CCDC88C: variants seen among roughly 807,000 people sequenced by gnomAD.
CCDC88C encodes the protein coiled-coil and HOOK domain protein 88C, also known as protein Daple.
Under a neutral mutation model 198.8 loss-of-function variants are expected in CCDC88C, and 131 were observed. That is an observed-to-expected ratio of 0.66 (90% CI 0.57 to 0.76). CCDC88C has a LOEUF of 0.76. Ranked by LOEUF, CCDC88C falls within the 30% of genes least tolerant of loss-of-function variation. CCDC88C has a pLI of 0.00. For missense variants in CCDC88C, 2,553 were observed against 2,631.6 expected, an observed-to-expected ratio of 0.97 and a Z score of 0.65; for synonymous variants, 1,166 against 1,114.7, an observed-to-expected ratio of 1.05 and a Z score of -0.92.
chr14:91,386,289 C>CAAAAAAAAAAAAAAAA (rs1239070390), intron 3 of CCDC88C, among the ~76,000 whole-genome samples: 1 of 106,870 alleles, frequency 9.4e-6, no homozygotes. Flanking sequence ...ACTAAAAATA[C>CAAAAAAAAAAAAAAAA]AAAAAAAAAA....
intron 3 of CCDC88C, 76 bp from the exon 4 acceptor site, chr14:91,359,787 T>C (rs1292018028): frequency 7.5e-7 from 1 of 1,339,114 alleles, no homozygotes; most frequent in Non-Finnish European, 1.1e-6. Flanking sequence ...AAATTACAAG[T>C]AATGAAGCCC....
intron 3 of CCDC88C, among the ~76,000 whole-genome samples, chr14:91,385,916 A>G (rs948715677): frequency 6.6e-6 from 1 of 152,214 alleles, no homozygotes; most frequent in Non-Finnish European, 1.5e-5. Flanking sequence ...ATGCATTTCT[A>G]TATCAGAGGC....
chr14:91,273,999 GGT>G lies in CCDC88C; in HGVS notation c.5059-348_5059-347del, dbSNP rs1205299454. ...TATAGCCGACTGCTTCGGTCTGTCT[GGT>G]TTCCACCAAGCACAGCAGGAACTAG... On this transcript the variant is annotated intron_variant, in intron 29 of 29. Coordinates refer to ENST00000389857, the MANE Select transcript of CCDC88C (RefSeq NM_001080414.4). This position sits in a 1 kb window ranked among gnomAD's most constrained non-coding sequence, Gnocchi z 5.6. 6.6e-6 allele frequency among the ~76,000 whole-genome samples: 1 copy of G among 152,154 alleles called. No individual in the cohort carries two copies. The highest frequency in any genetic ancestry group is 2.4e-5 in the African/African-American group (1 of 41,424).
At chr14:91,285,376 G>A (rs772612472) in intron 25 of CCDC88C, 3 of 452,268 alleles carry the variant, frequency 6.6e-6, no homozygotes, top group South Asian at 3.1e-5. Context: ...CGGGAGGGGG[G>A]CACGGCCACT....
At chr14:91,330,514 C>T (rs747084918) in intron 10 of CCDC88C, among the ~76,000 whole-genome samples, 13 of 152,138 alleles carry the variant, frequency 8.5e-5, no homozygotes, top group East Asian at 1.9e-4. Context: ...GTAACATGAG[C>T]GAGGATGCCA....
intron 3 of CCDC88C, among the ~76,000 whole-genome samples, chr14:91,399,167 T>C (rs931064373): frequency 6.6e-5 from 10 of 152,188 alleles, no homozygotes; most frequent in African/African-American, 2.4e-4. Context: ...CCATGCCTGC[T>C]TGTGACTCTT....
At chr14:91,318,967 T>C (rs572217751) in intron 13 of CCDC88C, among the ~76,000 whole-genome samples, 1 of 148,042 alleles carries the variant, frequency 6.8e-6, no homozygotes, top group Non-Finnish European at 1.5e-5. Context: ...GACCCAGGTG[T>C]CCTGCCACAG....
chr14:91,386,208 C>T lies in CCDC88C; in HGVS notation c.270+22451G>A, dbSNP rs192546180. Among the ~76,000 whole-genome samples the T allele has an allele frequency of 6.6e-3, 1,004 of 151,508 alleles. 1 individual carries two copies. Among genetic ancestry groups the T allele is most frequent in the Non-Finnish European group, 0.011 (715 of 67,928 alleles). ...CTTGTAATCCCAGCACTTTGGGAGG[C>T]CGAGGTGGGTGGATCACTTGAGGAC... On this transcript the variant is annotated intron_variant, in intron 3 of 29. Coordinates refer to ENST00000389857, the MANE Select transcript of CCDC88C (RefSeq NM_001080414.4).
In CCDC88C at chr14:91,313,635, C is replaced by T. The variant is rs201609345; in HGVS notation, c.2181G>A (p.Glu727=). Residue 727 remains glutamate, a synonymous_variant, in exon 15 of 30, where the codon GAG becomes GAA. Transcript: ENST00000389857. The surrounding 1 kb of genome is among the most constrained non-coding windows in gnomAD (Gnocchi z 5.2). ...RFTSTKLAQM[E]RENQQLEREK... is the part of the protein sequence containing the mutation. ...CACGCTCCAGCTGCTGGTTCTCCCT[C>T]TCCATCTGTGCCAGCTTGGTGCTGG... The T allele has an allele frequency of 2.4e-4, 388 of 1,612,668 alleles. No homozygotes were observed. Among genetic ancestry groups the T allele is most frequent in the Non-Finnish European group, 3.0e-4 (358 of 1,179,904 alleles).
intron 3 of CCDC88C, among the ~76,000 whole-genome samples, chr14:91,385,800 TA>T (rs35840990): frequency 0.013 from 1,950 of 147,818 alleles, 14 homozygotes; most frequent in Non-Finnish European, 0.019. Context: ...CCTGCCTCTT[TA>T]AAAAAAAAAA....
Position 91,272,787 on chromosome 14 carries a change from C to G in CCDC88C, c.5925G>C (p.Glu1975Asp). Reference sequence around the variant, plus strand: ...GACCTGGGCTCTTGGCCGGAAGCCCCTCACTGCAGCCCTGCCCCGGGACCC... The same window carrying G: ...GACCTGGGCTCTTGGCCGGAAGCCCGTCACTGCAGCCCTGCCCCGGGACCC... ...GDGVPGQGCS[E>D]GLPAKSPGRS... The change falls in exon 30 of 30, where the codon GAG becomes GAC. Residue 1975 changes from glutamate to aspartate, a missense_variant. This residue lies in a region of CCDC88C where 1,293 missense variants were observed against 1,219.6 expected (regional missense o/e 1.06). Transcript: ENST00000389857. The G allele has an allele frequency of 1.2e-6, 2 of 1,605,194 alleles. No individual in the cohort carries two copies. The highest frequency in any genetic ancestry group is 1.7e-6 in the Non-Finnish European group (2 of 1,177,024).
chr14:91,273,020 G>C lies in CCDC88C; in HGVS notation c.5692C>G (p.Pro1898Ala), dbSNP rs1253442628. Residue 1898 changes from proline (P) to alanine (A), a missense_variant, in exon 30 of 30, where the codon CCC becomes GCC. Physicochemically the swap from Pro to Ala is conservative, Grantham distance 27. This residue lies in a region of CCDC88C where 1,293 missense variants were observed against 1,219.6 expected (regional missense o/e 1.06). Coordinates refer to ENST00000389857, the MANE Select transcript of CCDC88C (RefSeq NM_001080414.4). The surrounding 1 kb of genome is among the most constrained non-coding windows in gnomAD (Gnocchi z 5.6). ...LAPPKEERLA[P>A]LHQSATAPAI... Reference sequence around the variant, plus strand: ...GGGGCTGTGGCAGACTGATGCAGGGGGGCCAGCCTCTCCTCCTTTGGGGGA... The same window carrying C: ...GGGGCTGTGGCAGACTGATGCAGGGCGGCCAGCCTCTCCTCCTTTGGGGGA... 3 of 1,554,466 alleles carry C rather than the reference G, an allele frequency of 1.9e-6. No individual in the cohort carries two copies. In the South Asian group the frequency reaches 3.5e-5, roughly 18 times the overall value.
intron 3 of CCDC88C, among the ~76,000 whole-genome samples, chr14:91,387,120 T>C (rs1045249422): frequency 6.6e-6 from 1 of 152,258 alleles, no homozygotes; most frequent in African/African-American, 2.4e-5. Context: ...TTGGCGCAAC[T>C]GTCCACATCC....
intron 4 of CCDC88C, among the ~76,000 whole-genome samples, chr14:91,354,792 C>T (rs763021911): frequency 3.9e-5 from 6 of 152,206 alleles, no homozygotes; most frequent in Non-Finnish European, 5.9e-5. Flanking sequence ...ACAAAAAACC[C>T]CAGGATTCCT....
chr14:91,359,685 C>A lies in CCDC88C; in HGVS notation c.297G>T (p.Met99Ile). 6.2e-7 allele frequency: 1 copy of A among 1,610,412 alleles called. No homozygotes were observed. Among genetic ancestry groups the A allele is most frequent in the South Asian group, 1.1e-5 (1 of 89,970 alleles). The stretch of plus-strand genomic sequence containing the variant: ...CAATCATCAAAACATTGGGCAAATT[C>A]ATTACAATCAGCTGCTGGAGAACTT... ...YQEVLQQLIV[M>I]NLPNVLMIGR... The change falls in exon 4 of 30, where the codon ATG becomes ATT. Residue 99 changes from methionine (M) to isoleucine (I), a missense_variant. Met to Ile is a conservative substitution (Grantham distance 10). Transcript: ENST00000389857.
In CCDC88C at chr14:91,339,197, G is replaced by A; in HGVS notation, c.809+81C>T. Reference sequence around the variant, plus strand: ...ACACGTCAGAGCTGTGCCATTGGCAGCACCACACATGTGAGTCGACACCAC... The same window carrying A: ...ACACGTCAGAGCTGTGCCATTGGCAACACCACACATGTGAGTCGACACCAC... On this transcript the variant is annotated intron_variant, in intron 8 of 29. Transcript: ENST00000389857. This position sits in a 1 kb window ranked among gnomAD's most constrained non-coding sequence, Gnocchi z 5.8. 6.6e-7 allele frequency: 1 copy of A among 1,511,688 alleles called. No homozygotes were observed. The highest frequency in any genetic ancestry group is 1.9e-5 in the Admixed American group (1 of 53,768). 93.6% of individuals were successfully genotyped at this position (1,511,688 alleles called of 1,614,324 possible).
At chr14:91,319,816 G>T (rs891266526) in intron 13 of CCDC88C, among the ~76,000 whole-genome samples, 11 of 151,914 alleles carry the variant, frequency 7.2e-5, no homozygotes, top group African/African-American at 2.7e-4. Context: ...ACCTGAGGTC[G>T]GGAGTTTGAG....
At chr14:91,416,339 T>C (rs910915899) in intron 2 of CCDC88C, among the ~76,000 whole-genome samples, 2 of 152,154 alleles carry the variant, frequency 1.3e-5, no homozygotes, top group African/African-American at 4.8e-5. Context: ...AACTTTACAG[T>C]AACCCTCGGA....
chr14:91,353,690 G>A (rs950706061), intron 4 of CCDC88C, among the ~76,000 whole-genome samples: 14 of 152,198 alleles, frequency 9.2e-5, no homozygotes, highest in Non-Finnish European at 1.6e-4. Flanking sequence ...CATTTTGTGC[G>A]CACAGAACCT....
Sources: allele counts gnomAD v4.1 joint callset (sites outside exome capture counted in the v4.1 genomes callset), GRCh38; gene constraint gnomAD v4.1.1; regional missense constraint gnomAD v4.1.1; non-coding constraint Gnocchi (gnomAD v3.1); transcripts MANE v1.5; gene names NCBI Gene and HGNC (gene_info 2026-07-23, HGNC 2026-07-21).